The following HDAC4 variants were observed in gnomAD, a reference collection of about 807,000 sequenced individuals.
HDAC4 encodes histone deacetylase A.
A neutral mutation model predicts 135.1 loss-of-function variants in HDAC4; 16 were observed. The observed-to-expected ratio is 0.12, with a 90% CI of 0.08 to 0.18. The LOEUF is 0.18. Among genes scored for constraint, HDAC4 ranks in the 10% least tolerant of loss-of-function variants. The probability of loss-of-function intolerance (pLI) is 1.00; values close to 1 mark genes in which losing one functional copy is unlikely to be tolerated. For missense variants in HDAC4, 1,143 were observed against 1,511.8 expected (o/e 0.76, Z 4.05); for synonymous variants, 685 against 653.4 (o/e 1.05, Z -0.74).
chr2:239,067,945 G>C (rs138637579), intron 23 of HDAC4, among the ~76,000 whole-genome samples: 4 of 152,172 alleles, frequency 2.6e-5, no homozygotes, highest in African/African-American at 7.2e-5. Flanking sequence ...CTTTGTGTGC[G>C]CCAGGTTTTC....
At chr2:239,220,014 G>A (rs2046862427) in intron 3 of HDAC4, among the ~76,000 whole-genome samples, 1 of 152,176 alleles carries the variant, frequency 6.6e-6, no homozygotes, top group South Asian at 2.1e-4. Flanking sequence ...CAACAGATAG[G>A]CCTCGAACCT....
intron 7 of HDAC4, among the ~76,000 whole-genome samples, chr2:239,156,381 G>A (rs1271329365): frequency 6.6e-6 from 1 of 152,188 alleles, no homozygotes; most frequent in Non-Finnish European, 1.5e-5. Flanking sequence ...ACACACCACC[G>A]AAAGAAAACT....
At chr2:239,104,032 G>A (rs934260024) in intron 15 of HDAC4, among the ~76,000 whole-genome samples, 1 of 145,182 alleles carries the variant, frequency 6.9e-6, no homozygotes, top group Admixed American at 6.8e-5. Flanking sequence ...AAGGTCTCTT[G>A]TTTAACAAAG....
intron 8 of HDAC4, among the ~76,000 whole-genome samples, chr2:239,140,138 G>A (rs533475084): frequency 6.6e-6 from 1 of 152,332 alleles, no homozygotes; most frequent in South Asian, 2.1e-4. Context: ...GAAGCTAAGT[G>A]ACTTTGAAAA....
At chr2:239,398,738 A>G (rs1292079882) in intron 1 of HDAC4, among the ~76,000 whole-genome samples, 1 of 152,192 alleles carries the variant, frequency 6.6e-6, no homozygotes, top group African/African-American at 2.4e-5. Flanking sequence ...TCTCTGGTGC[A>G]GGGCTCCGAG....
chr2:239,351,109 C>A (rs912758848), intron 2 of HDAC4, among the ~76,000 whole-genome samples: 1 of 152,188 alleles, frequency 6.6e-6, no homozygotes. Context: ...GCTTCTGGAG[C>A]AATTTGACAG....
At chr2:239,136,546 T>C (rs1420159546) in intron 9 of HDAC4, among the ~76,000 whole-genome samples, 1 of 152,214 alleles carries the variant, frequency 6.6e-6, no homozygotes, top group Non-Finnish European at 1.5e-5. Flanking sequence ...ACTGGGACTC[T>C]GCTCAACTAA....
chr2:239,249,839 T>C (rs1306995550), intron 2 of HDAC4, among the ~76,000 whole-genome samples: 1 of 151,148 alleles, frequency 6.6e-6, no homozygotes, highest in Non-Finnish European at 1.5e-5. Flanking sequence ...AACTCTTGTG[T>C]CAGGAAAGAA....
intron 14 of HDAC4, among the ~76,000 whole-genome samples, chr2:239,108,726 A>G (rs955401083): frequency 6.6e-6 from 1 of 152,220 alleles, no homozygotes; most frequent in African/African-American, 2.4e-5. Context: ...AAACTTCCAG[A>G]GGGACTGGAA....
intron 4 of HDAC4, among the ~76,000 whole-genome samples, chr2:239,178,826 C>A (rs537758209): frequency 6.6e-6 from 1 of 152,182 alleles, no homozygotes; most frequent in East Asian, 1.9e-4. Flanking sequence ...TCAGGGGCTC[C>A]GGGCTGGCTC....
chr2:239,236,743 A>C (rs1297717973), intron 2 of HDAC4, 79 bp from the exon 3 acceptor site: 2 of 1,008,734 alleles, frequency 2.0e-6, no homozygotes, highest in African/African-American at 1.6e-5. Flanking sequence ...GTCTGCAGGG[A>C]GTAACTCCCC....
intron 2 of HDAC4, among the ~76,000 whole-genome samples, chr2:239,322,850 C>G (rs2053358883): frequency 6.6e-6 from 1 of 152,158 alleles, no homozygotes; most frequent in Admixed American, 6.5e-5. Context: ...GCCCCAGCAC[C>G]TGGACAGACT....
At chr2:239,200,814 C>T (rs28429544) in intron 3 of HDAC4, among the ~76,000 whole-genome samples, 5,166 of 152,150 alleles carry the variant, frequency 0.034, 275 homozygotes, top group African/African-American at 0.12. Context: ...GTGGCGTTCT[C>T]GGTGCAGAGT....
At chr2:239,231,966 G>A (rs1048185930) in intron 3 of HDAC4, among the ~76,000 whole-genome samples, 2 of 118,874 alleles carry the variant, frequency 1.7e-5, no homozygotes, top group African/African-American at 3.0e-5. Context: ...ACCTGCTCCC[G>A]GATGCCTGAG....
intron 6 of HDAC4, among the ~76,000 whole-genome samples, chr2:239,159,219 CCCA>C (rs1304463243): frequency 6.6e-6 from 1 of 150,996 alleles, no homozygotes; most frequent in Non-Finnish European, 1.5e-5. Context: ...ATTACTCACA[CCCA>C]CATCTCACTT....
chr2:239,395,552 A>G (rs1464245359), intron 1 of HDAC4, among the ~76,000 whole-genome samples: 2 of 152,254 alleles, frequency 1.3e-5, no homozygotes, highest in Non-Finnish European at 2.9e-5. Context: ...ACTACTGTAA[A>G]AAAGTAATAC....
chr2:239,100,866 C>T (rs1170515603), intron 16 of HDAC4, among the ~76,000 whole-genome samples: 1 of 152,080 alleles, frequency 6.6e-6, no homozygotes, highest in African/African-American at 2.4e-5. Flanking sequence ...CAGGAAGCCC[C>T]TGTCTTCCAC....
At chr2:239,094,474 T>C (rs1051760010) in intron 17 of HDAC4, 1 of 958,588 alleles carries the variant, frequency 1.0e-6, no homozygotes, top group Non-Finnish European at 1.2e-6. Context: ...CATCAGTTCG[T>C]AGAAGCTGGC....
intron 5 of HDAC4, among the ~76,000 whole-genome samples, chr2:239,164,550 CA>C (rs34652193): frequency 6.6e-6 from 1 of 152,180 alleles, no homozygotes; most frequent in Non-Finnish European, 1.5e-5. Context: ...AGGGAACTGG[CA>C]AAAAAGGCCA....
Sources: gnomAD v4.1 joint callset for allele counts (sites outside exome capture counted in the v4.1 genomes callset) on GRCh38, gnomAD v4.1.1 for gene constraint, MANE v1.5 for transcripts, NCBI Gene and HGNC (gene_info 2026-07-23, HGNC 2026-07-21) for gene names.